Variants in SAMD3 observed in about 807,000 individuals in gnomAD.
SAMD3 encodes the protein sterile alpha motif domain containing 3.
Under a neutral mutation model 58.5 loss-of-function variants are expected in SAMD3, and 63 were observed. That is an observed-to-expected ratio of 1.08 (90% CI 0.88 to 1.33). SAMD3 has a LOEUF of 1.33. Ranked by LOEUF, SAMD3 falls within the 40% of genes most tolerant of loss-of-function variation. The probability of loss-of-function intolerance (pLI) is 0.00; values close to 1 mark genes in which losing one functional copy is unlikely to be tolerated. For synonymous variants in SAMD3, 220 were observed against 210.3 expected (o/e 1.05, Z -0.40); for missense variants, 604 against 608.4 (o/e 0.99, Z 0.08).
chr6:130,294,599 GATTA>G (rs1005684317), intron 2 of SAMD3, among the ~76,000 whole-genome samples: 1 of 149,966 alleles, frequency 6.7e-6, no homozygotes, highest in South Asian at 2.1e-4. Context: ...TAATTTCAAG[GATTA>G]ATTTTTATTT....
At position 130,155,893 on chromosome 6, in the gene SAMD3, TAAG is replaced by T. The variant is rs369256768; in HGVS notation, c.823-871_823-869del. On this transcript the variant is annotated intron_variant, in intron 8 of 11. Coordinates refer to ENST00000439090, the MANE Select transcript of SAMD3 (RefSeq NM_001017373.4). ...CCTAGAAAAATAAAATTATCAAAAT[TAAG>T]AAGAAGTTCCTATAATCTTATACAA... 5.3e-4 allele frequency among the ~76,000 whole-genome samples: 81 copies of T among 152,238 alleles called. 1 individual carries two copies. In the South Asian group the frequency reaches 0.015, roughly 29 times the overall value.
chr6:130,175,321 C>T lies in SAMD3; in HGVS notation c.822+520G>A, dbSNP rs550629847. On this transcript the variant is annotated intron_variant, in intron 8 of 11. Transcript: ENST00000439090. ...AGGGTTGAATCTCCAGGCCCTCCCA[C>T]GGGCCCTCAGCCTGGAGCTCCCGAC... Among the ~76,000 whole-genome samples, 30 of 152,300 alleles carry T rather than the reference C, an allele frequency of 2.0e-4. 2 individuals are homozygous for T. The highest frequency in any genetic ancestry group is 5.5e-4 in the African/African-American group (23 of 41,550).
chr6:130,180,239 G>A (rs9492478), intron 7 of SAMD3, among the ~76,000 whole-genome samples: 20,915 of 148,632 alleles, frequency 0.14, 1,709 homozygotes, highest in African/African-American at 0.23. Context: ...TCCCACCTCA[G>A]CCTCCCAAGT....
Position 130,362,674 on chromosome 6 carries a change from G to T in SAMD3, c.-304+2446C>A, listed in dbSNP as rs567289923. ...AATCAGGTTTATTATCTAACAAGGA[G>T]GTATCTGATTATCTAATATAGATGA... On this transcript the variant is annotated intron_variant, in intron 1 of 13. Transcript: ENST00000368134. 8.5e-5 allele frequency among the ~76,000 whole-genome samples: 13 copies of T among 152,138 alleles called. No homozygotes were observed. In the East Asian group the frequency reaches 2.5e-3, roughly 29 times the overall value.
chr6:130,220,327 A>T (rs1454022034), intron 1 of SAMD3, among the ~76,000 whole-genome samples: 2 of 152,222 alleles, frequency 1.3e-5, no homozygotes, highest in African/African-American at 2.4e-5. Context: ...GAAACTAAAG[A>T]GCCACTTATC....
At chr6:130,272,386 G>A (rs1774596427) in intron 2 of SAMD3, among the ~76,000 whole-genome samples, 1 of 152,146 alleles carries the variant, frequency 6.6e-6, no homozygotes, top group Non-Finnish European at 1.5e-5. Context: ...ATCAGATTGG[G>A]ACAGTCAGTA....
At chr6:130,183,638 T>C (rs950249102) in intron 7 of SAMD3, among the ~76,000 whole-genome samples, 2 of 152,218 alleles carry the variant, frequency 1.3e-5, no homozygotes, top group Admixed American at 6.5e-5. Context: ...CTTTATATGC[T>C]TGTGCAACCA....
chr6:130,201,819 T>G (rs937681614), intron 5 of SAMD3, among the ~76,000 whole-genome samples: 23 of 152,202 alleles, frequency 1.5e-4, no homozygotes, highest in African/African-American at 5.5e-4. Context: ...AAATCCTCCT[T>G]CAGTGTTTGT....
chr6:130,251,098 C>T (rs376965104), intron 2 of SAMD3, among the ~76,000 whole-genome samples: 2 of 152,230 alleles, frequency 1.3e-5, no homozygotes, highest in East Asian at 3.9e-4. Context: ...CCAATACTTG[C>T]TATTATCTGT....
chr6:130,144,515 T>C lies in SAMD3; in HGVS notation c.*5A>G, dbSNP rs569733750. ...GTAAATTCCAGTACAATATTTGGCA[T>C]GCTATTAAGTGAGTGGGTGCTGAAA... On this transcript the variant is annotated 3_prime_UTR_variant, in exon 12 of 12. Coordinates refer to ENST00000439090, the MANE Select transcript of SAMD3 (RefSeq NM_001017373.4). The C allele has an allele frequency of 7.5e-6, 12 of 1,610,108 alleles. No homozygotes were observed. Among genetic ancestry groups the C allele is most frequent in the Non-Finnish European group, 5.9e-6 (7 of 1,178,258 alleles).
At chr6:130,318,911 TA>T (rs1483223083) in intron 1 of SAMD3, among the ~76,000 whole-genome samples, 4 of 152,310 alleles carry the variant, frequency 2.6e-5, no homozygotes, top group African/African-American at 9.6e-5. Flanking sequence ...TCCATATATT[TA>T]TGGAGCTAGA....
chr6:130,343,785 C>T (rs1418677587), intron 1 of SAMD3, among the ~76,000 whole-genome samples: 7 of 151,932 alleles, frequency 4.6e-5, no homozygotes, highest in African/African-American at 9.6e-5. Flanking sequence ...GCCAACATGG[C>T]GAAACCCTGT....
chr6:130,279,546 A>T (rs1774909759), intron 2 of SAMD3, among the ~76,000 whole-genome samples: 1 of 147,032 alleles, frequency 6.8e-6, no homozygotes. Context: ...CTGGAGTGCA[A>T]TGGTGCACTC....
intron 2 of SAMD3, 81 bp downstream of exon 2, chr6:130,216,490 A>G (rs1796011167): frequency 6.6e-6 from 1 of 152,188 alleles, no homozygotes; most frequent in Non-Finnish European, 1.5e-5. Context: ...CTATTGTTGT[A>G]TTTCTCATTT....
At chr6:130,237,776 C>G (rs1364399210) in intron 2 of SAMD3, among the ~76,000 whole-genome samples, 2 of 152,068 alleles carry the variant, frequency 1.3e-5, no homozygotes, top group African/African-American at 4.8e-5. Context: ...GGGATTGTGT[C>G]TAAAAGTAAA....
intron 1 of SAMD3, among the ~76,000 whole-genome samples, chr6:130,358,512 C>T (rs777876707): frequency 1.3e-5 from 2 of 152,088 alleles, no homozygotes; most frequent in Non-Finnish European, 2.9e-5. Context: ...CATCTGACTG[C>T]TGTGTCCACA....
intron 2 of SAMD3, among the ~76,000 whole-genome samples, chr6:130,245,257 G>A (rs542602157): frequency 6.6e-6 from 1 of 152,334 alleles, no homozygotes; most frequent in Admixed American, 6.5e-5. Context: ...AATACACTGT[G>A]ATCAGAAATG....
intron 1 of SAMD3, among the ~76,000 whole-genome samples, chr6:130,335,197 G>C (rs1248517902): frequency 1.3e-5 from 2 of 152,178 alleles, no homozygotes; most frequent in Admixed American, 6.6e-5. Context: ...ATACAGCCAA[G>C]GTTGTGGGTT....
chr6:130,166,066 G>C (rs1055948746), intron 8 of SAMD3, among the ~76,000 whole-genome samples: 27 of 152,162 alleles, frequency 1.8e-4, no homozygotes, highest in African/African-American at 5.8e-4. Context: ...GCCAGAGCTT[G>C]TCCTGGTGCT....
Sources: gnomAD v4.1 joint callset for allele counts (sites outside exome capture counted in the v4.1 genomes callset) on GRCh38, gnomAD v4.1.1 for gene constraint, MANE v1.5 for transcripts, NCBI Gene and HGNC (gene_info 2026-07-23, HGNC 2026-07-21) for gene names.